Variants in COL22A1 observed in about 807,000 individuals in gnomAD.
The protein encoded by COL22A1 is collagen type XXII alpha 1 chain, also known as collagen alpha-1(XXII) chain.
COL22A1 carries 221 observed loss-of-function variants against 248.9 expected under a neutral mutation model. The ratio of observed to expected loss-of-function variants is 0.89; its 90% CI spans 0.80 to 0.99. The LOEUF (loss-of-function observed/expected upper bound fraction) is 0.99. COL22A1 is among the 50% of genes least tolerant of loss of function. COL22A1 has a pLI of 0.00. For missense variants in COL22A1, 2,240 were observed against 2,179.0 expected, an observed-to-expected ratio of 1.03 and a Z score of -0.56; for synonymous variants, 891 against 793.4, an observed-to-expected ratio of 1.12 and a Z score of -2.07.
intron 3 of COL22A1, among the ~76,000 whole-genome samples, chr8:138,868,885 C>T (rs1409108221): frequency 1.3e-5 from 2 of 152,144 alleles, no homozygotes; most frequent in African/African-American, 4.8e-5. Context: ...CACCTGCCAC[C>T]ACACCCGGCT....
chr8:138,788,728 C>A lies in COL22A1; in HGVS notation c.1597-7748G>T, dbSNP rs116783650. Among the ~76,000 whole-genome samples, 250 of 152,072 alleles carry A rather than the reference C, an allele frequency of 1.6e-3. 1 individual carries two copies. Among genetic ancestry groups the A allele is most frequent in the African/African-American group, 5.8e-3 (242 of 41,414 alleles). ...TCATTAATGCTGAGGGCGCAGAAGA[C>A]GTCATTTGGTTTATAAAAAAATGGA... On this transcript the variant is annotated intron_variant, in intron 12 of 64. Coordinates refer to ENST00000303045, the MANE Select transcript of COL22A1 (RefSeq NM_152888.3).
intron 50 of COL22A1, among the ~76,000 whole-genome samples, chr8:138,629,439 C>T (rs1364646497): frequency 2.0e-5 from 3 of 152,192 alleles, no homozygotes; most frequent in African/African-American, 7.2e-5. Context: ...CAGGCATGAG[C>T]CACTGTGCCC....
intron 10 of COL22A1, among the ~76,000 whole-genome samples, chr8:138,803,417 A>C (rs1429605586): frequency 6.6e-6 from 1 of 152,076 alleles, no homozygotes; most frequent in Non-Finnish European, 1.5e-5. Context: ...ACCAGGCCCG[A>C]CCCTGCTTAG....
chr8:138,757,218 A>C (rs1197291620), intron 18 of COL22A1, among the ~76,000 whole-genome samples: 1 of 152,170 alleles, frequency 6.6e-6, no homozygotes, highest in Non-Finnish European at 1.5e-5. Context: ...CAACATCTCC[A>C]AACAGAGTCA....
Position 138,693,653 on chromosome 8 carries a change from C to G in COL22A1, c.2747G>C (p.Gly916Ala), listed in dbSNP as rs1422644147. ...CCGATCATAGGGACTCACGGGGTTT[C>G]CAGCTGCTCCAGGAGCCCCATGTGC... is the stretch of plus-strand genomic sequence containing the variant. Reference protein sequence around the residue: ...EGAHGAPGAAGNPGAPGHVGA... With the variant: ...EGAHGAPGAAANPGAPGHVGA... The change falls in exon 35 of 65, where the codon GGA becomes GCA. Residue 916 changes from glycine to alanine, a missense_variant. By Grantham distance (60) the Gly-to-Ala change is moderately conservative (BLOSUM62 0). Coordinates refer to ENST00000303045, the MANE Select transcript of COL22A1 (RefSeq NM_152888.3). The G allele has an allele frequency of 1.3e-6, 2 of 1,584,948 alleles. No individual in the cohort carries two copies. The highest frequency in any genetic ancestry group is 1.7e-6 in the Non-Finnish European group (2 of 1,165,590).
intron 51 of COL22A1, 106 bp from the exon 52 acceptor site, chr8:138,623,891 T>A: frequency 1.1e-6 from 1 of 927,692 alleles, no homozygotes; most frequent in Non-Finnish European, 1.7e-6. Flanking sequence ...AGCAGTTGCC[T>A]TCACAGTTGG....
intron 45 of COL22A1, among the ~76,000 whole-genome samples, chr8:138,650,810 C>T (rs1006013172): frequency 6.6e-6 from 1 of 152,150 alleles, no homozygotes; most frequent in Non-Finnish European, 1.5e-5. Flanking sequence ...GTCACTCACT[C>T]ATTGAAAAAA....
At chr8:138,886,073 A>C (rs1367293254) in intron 1 of COL22A1, among the ~76,000 whole-genome samples, 1 of 152,102 alleles carries the variant, frequency 6.6e-6, no homozygotes, top group Non-Finnish European at 1.5e-5. Context: ...TTTGGGGCTG[A>C]TATCTGGATG....
intron 23 of COL22A1, among the ~76,000 whole-genome samples, chr8:138,735,888 C>T (rs573628072): frequency 1.8e-4 from 27 of 152,266 alleles, no homozygotes; most frequent in Middle Eastern, 3.4e-3. Flanking sequence ...TCCCTGCCAA[C>T]GAGGGACGGA....
intron 10 of COL22A1, among the ~76,000 whole-genome samples, chr8:138,805,982 T>TGG (rs1371905649): frequency 4.1e-4 from 40 of 96,558 alleles, no homozygotes; most frequent in East Asian, 1.1e-3. Flanking sequence ...GTGTGTGTGA[T>TGG]TGTGTGTGAT....
At chr8:138,792,267 C>A (rs569281664) in intron 12 of COL22A1, among the ~76,000 whole-genome samples, 2 of 152,336 alleles carry the variant, frequency 1.3e-5, no homozygotes, top group South Asian at 4.1e-4. Flanking sequence ...GCCTGAAAGG[C>A]CACCACCACC....
chr8:138,882,506 TCAAA>T (rs1333409618), intron 2 of COL22A1, among the ~76,000 whole-genome samples: 38 of 144,784 alleles, frequency 2.6e-4, no homozygotes, highest in East Asian at 8.4e-4. Context: ...ACACACTTCG[TCAAA>T]CACACACTCC....
intron 57 of COL22A1, among the ~76,000 whole-genome samples, chr8:138,607,078 G>A (rs976618927): frequency 6.6e-6 from 1 of 152,124 alleles, no homozygotes; most frequent in Non-Finnish European, 1.5e-5. Context: ...CAAGAGGAGG[G>A]TCTCCGCTAG....
intron 12 of COL22A1, among the ~76,000 whole-genome samples, chr8:138,785,562 G>C (rs567854743): frequency 7.9e-5 from 12 of 152,300 alleles, no homozygotes; most frequent in African/African-American, 2.6e-4. Context: ...GCACGCCCTC[G>C]AATGACCAGT....
At chr8:138,794,567 T>C (rs1261110971) in intron 12 of COL22A1, among the ~76,000 whole-genome samples, 1 of 152,166 alleles carries the variant, frequency 6.6e-6, no homozygotes, top group Non-Finnish European at 1.5e-5. Flanking sequence ...ACAGAGATGC[T>C]CACGTTCCCA....
chr8:138,633,083 T>C (rs546036716), intron 49 of COL22A1, among the ~76,000 whole-genome samples: 1 of 152,316 alleles, frequency 6.6e-6, no homozygotes, highest in South Asian at 2.1e-4. Context: ...TGACAATTAA[T>C]AAGCACTTGA....
chr8:138,721,738 T>C (rs887685921), intron 26 of COL22A1, among the ~76,000 whole-genome samples: 2 of 152,164 alleles, frequency 1.3e-5, no homozygotes, highest in African/African-American at 4.8e-5. Context: ...GGAATACAGG[T>C]GCCCACCCCC....
chr8:138,659,025 T>C (rs1334739721), intron 44 of COL22A1, among the ~76,000 whole-genome samples: 1 of 152,114 alleles, frequency 6.6e-6, no homozygotes, highest in Non-Finnish European at 1.5e-5. Flanking sequence ...AAAGTCCAGA[T>C]CTGGCAGAGG....
chr8:138,591,417 G>A lies in COL22A1; in HGVS notation c.4693+7C>T, dbSNP rs752023838. ...CCCTACCCCTGAGACTGCAGAATGA[G>A]TCATACCTGGGATTCCAGGGGGTCC... On this transcript the variant is annotated splice_region_variant and intron_variant, in intron 64 of 64. Coordinates refer to ENST00000303045, the MANE Select transcript of COL22A1 (RefSeq NM_152888.3). The A allele has an allele frequency of 3.8e-6, 6 of 1,576,544 alleles. No individual in the cohort carries two copies. The highest frequency in any genetic ancestry group is 2.4e-5 in the South Asian group (2 of 84,264).
Sources: allele counts gnomAD v4.1 joint callset (sites outside exome capture counted in the v4.1 genomes callset), GRCh38; gene constraint gnomAD v4.1.1; transcripts MANE v1.5; gene names NCBI Gene and HGNC (gene_info 2026-07-23, HGNC 2026-07-21).